The following PGAP6 variants were observed in gnomAD, a reference collection of about 807,000 sequenced individuals.
PGAP6 encodes post-GPI attachment to proteins 6, also known as post-GPI attachment to proteins factor 6.
PGAP6 carries 62 observed loss-of-function variants against 68.4 expected under a neutral mutation model. The ratio of observed to expected loss-of-function variants is 0.91; its 90% CI spans 0.74 to 1.12. PGAP6 has a LOEUF of 1.12. Ranked by LOEUF, PGAP6 falls within the 50% of genes most tolerant of loss-of-function variation. The pLI is 0.00. For synonymous variants in PGAP6, 575 were observed against 474.0 expected (o/e 1.21, Z -2.77); for missense variants, 1,188 against 1,068.5 (o/e 1.11, Z -1.56).
At position 375,246 on chromosome 16, in the gene PGAP6, C is replaced by CCT; in HGVS notation, c.1325_1326insAG (p.Tyr444AlafsTer6). The CCT allele has an allele frequency of 6.2e-7, 1 of 1,613,072 alleles. No homozygotes were observed. The highest frequency in any genetic ancestry group is 8.5e-7 in the Non-Finnish European group (1 of 1,179,956). On this transcript the variant is annotated frameshift_variant, in exon 8 of 13. Coordinates refer to ENST00000431232, the MANE Select transcript of PGAP6 (RefSeq NM_021259.3). LOFTEE classifies it high-confidence loss of function. ...AGGCGCTCAGAGACAAAGGGTAGCC[C>CCT]TGGAAGAAGGCTGCAGGGGAGCCAG...
rs920350484 is a variant in PGAP6 at position 371,663 on chromosome 16, A to G, written c.*324T>C. On this transcript the variant is annotated 3_prime_UTR_variant, in exon 13 of 13. Transcript: ENST00000431232. ...ATAGGGAGTCCTTCTCCCCATCTCT[A>G]GCCACCCACAGGCCAGCAGAGCACA... The G allele has an allele frequency of 9.2e-6, 3 of 324,410 alleles. No individual in the cohort carries two copies. The highest frequency in any genetic ancestry group is 1.2e-5 in the Non-Finnish European group (2 of 171,370). The allele number at this position is 324,410 out of a possible 1,614,324, so 20.1% of individuals were successfully genotyped here.
intron 1 of PGAP6, among the ~76,000 whole-genome samples, chr16:378,803 C>T (rs1157825405): frequency 1.3e-5 from 2 of 152,244 alleles, no homozygotes; most frequent in African/African-American, 4.8e-5. Context: ...AGGCCAGAAG[C>T]CTGGCCAGTC....
upstream of PGAP6, chr16:382,288 T>TC (rs2054451067): frequency 2.6e-6 from 1 of 391,656 alleles, no homozygotes; most frequent in Non-Finnish European, 4.5e-6. Flanking sequence ...GTTCGCTGAG[T>TC]CCCAGCTCCG....
upstream of PGAP6, among the ~76,000 whole-genome samples, chr16:386,124 C>T (rs1007740060): frequency 4.6e-5 from 7 of 151,988 alleles, no homozygotes; most frequent in East Asian, 1.9e-4. Flanking sequence ...GCAGCCTGGC[C>T]GGAGGGGAGG....
upstream of PGAP6, among the ~76,000 whole-genome samples, chr16:385,739 C>T (rs1247901325): frequency 6.6e-6 from 1 of 150,832 alleles, no homozygotes; most frequent in Non-Finnish European, 1.5e-5. Flanking sequence ...ATTCTCCTGC[C>T]TCAGCCTCCC....
chr16:377,882 A>AC, intron 1 of PGAP6, 34 bp from the exon 2 acceptor site: 1 of 1,523,754 alleles, frequency 6.6e-7, no homozygotes, highest in South Asian at 1.2e-5. Context: ...CCAGGCCGGG[A>AC]CCCTCCTCCA....
rs773064495 is a variant in PGAP6, at chr16:372,042, G to C, written c.2261C>G (p.Pro754Arg). The C allele has an allele frequency of 1.2e-6, 2 of 1,612,700 alleles. No individual in the cohort carries two copies. Among genetic ancestry groups the C allele is most frequent in the South Asian group, 2.2e-5 (2 of 91,056 alleles). Residue 754 changes from proline (P) to arginine (R), a missense_variant, in exon 13 of 13, where the codon CCC (proline) becomes CGC (arginine). Physicochemically the swap from Pro to Arg is moderately radical, Grantham distance 103. Coordinates refer to ENST00000431232, the MANE Select transcript of PGAP6 (RefSeq NM_021259.3). ...GTTCTTGCAGATCTGATAGTGGCAG[G>C]GGAATTTCTGCGAGCAGGCCCAGGG... is the stretch of plus-strand genomic sequence containing the variant. ...AEPWACSQKF[P>R]CHYQICKNDR...
intron 1 of PGAP6, among the ~76,000 whole-genome samples, chr16:380,901 G>C (rs1366525718): frequency 6.6e-6 from 1 of 152,202 alleles, no homozygotes; most frequent in Non-Finnish European, 1.5e-5. Context: ...ACTTCCAGCC[G>C]GCCAGAAAGG....
chr16:382,404 CGCGCGTGGGCCTG>C, upstream of PGAP6: 2 of 377,416 alleles, frequency 5.3e-6, no homozygotes, highest in Non-Finnish European at 9.4e-6. Context: ...CCCCGCCCGG[CGCGCGTGGGCCTG>C]AGTCAGGCGC....
upstream of PGAP6, chr16:386,560 C>T: frequency 3.0e-6 from 1 of 328,026 alleles, no homozygotes; most frequent in Non-Finnish European, 5.8e-6. Context: ...TGAACCACAC[C>T]ACAGGTGCCC....
At chr16:378,220 ACC>A (rs768741931) in intron 1 of PGAP6, among the ~76,000 whole-genome samples, 32 of 146,040 alleles carry the variant, frequency 2.2e-4, no homozygotes, top group Non-Finnish European at 3.2e-4. Flanking sequence ...TGCCATCGCC[ACC>A]CTGACTGCCA....
At chr16:376,516 C>A (rs1597161434) in intron 5 of PGAP6, 28 bp downstream of exon 5, 1 of 1,544,870 alleles carries the variant, frequency 6.5e-7, no homozygotes, top group Non-Finnish European at 8.7e-7. Flanking sequence ...AGGGGCAGGG[C>A]CATCCCTCCA....
In PGAP6 at chr16:376,800, G is replaced by C. The variant is rs551214016; in HGVS notation, c.648C>G (p.Pro216=). The C allele has an allele frequency of 6.2e-7, 1 of 1,606,932 alleles. No individual in the cohort carries two copies. Among genetic ancestry groups the C allele is most frequent in the South Asian group, 1.1e-5 (1 of 91,004 alleles). The change falls in exon 5 of 13, where the codon CCC becomes CCG. Residue 216 remains proline, a synonymous_variant. Transcript: ENST00000431232. Reference sequence around the variant, plus strand: ...CCAGCAGAAGCTCCCGCGTGTAATCGGGGACAAAGACCCTGCAGCGAGGGG... The same window carrying C: ...CCAGCAGAAGCTCCCGCGTGTAATCCGGGACAAAGACCCTGCAGCGAGGGG... ...SHPSYLKVFV[P]DYTRELLLEL...
chr16:381,753 C>A lies in PGAP6; in HGVS notation c.69G>T (p.Leu23=). The A allele has an allele frequency of 8.3e-7, 1 of 1,210,382 alleles. No homozygotes were observed. The highest frequency in any genetic ancestry group is 1.0e-6 in the Non-Finnish European group (1 of 972,570). The allele number at this position is 1,210,382 out of a possible 1,614,324, so 75.0% of individuals were successfully genotyped here. A position where few individuals can be genotyped will look rare whatever the true frequency, so the allele number is the denominator to read the frequency against. ...CAGGCGGGGGCCGGGCAAGCAGCAG[C>A]AGCAGCAGCGGCCCCGCCACCACCG... ...VAAVVAGPLL[L]LLLARPPPAS... Residue 23 remains leucine, a synonymous_variant, in exon 1 of 13, where the codon CTG becomes CTT. Transcript: ENST00000431232.
At chr16:377,611 T>C in intron 2 of PGAP6, 26 bp from the exon 3 acceptor site, 1 of 1,568,242 alleles carries the variant, frequency 6.4e-7, no homozygotes, top group Non-Finnish European at 8.6e-7. Context: ...CAGCACCGGG[T>C]TCAGGCACAG....
rs757551945 is a variant in PGAP6 at position 375,355 on chromosome 16, G to A, written c.1305C>T (p.Asn435=). The change falls in exon 7 of 13, where the codon AAC becomes AAT. Residue 435 remains asparagine (N), a synonymous_variant. Coordinates refer to ENST00000431232, the MANE Select transcript of PGAP6 (RefSeq NM_021259.3). ...SPFLGFNTSL[N]CTTAFFQGYP... ...GCCTGCCCATCATACCTGTGGTGCA[G>A]TTGAGCGAAGTATTGAAGCCAAGGA... The A allele has an allele frequency of 1.9e-6, 3 of 1,612,818 alleles. No homozygotes were observed. The African/African-American group carries it at 4.0e-5, about 22-fold the overall frequency.
At chr16:378,072 T>C (rs2054402736) in intron 1 of PGAP6, among the ~76,000 whole-genome samples, 1 of 152,048 alleles carries the variant, frequency 6.6e-6, no homozygotes, top group Admixed American at 6.5e-5. Context: ...CCTCCTGGCA[T>C]CTGGGTCTTT....
Position 381,694 on chromosome 16 carries a change from C to A in PGAP6, c.121+7G>T. ...CGCCCCCGATGGCGCCCGCGCCTCC[C>A]GCTCACCGCTCTTCCCGCTGTAGCC... On this transcript the variant is annotated splice_region_variant and intron_variant, in intron 1 of 12. Coordinates refer to ENST00000431232, the MANE Select transcript of PGAP6 (RefSeq NM_021259.3). 1 of 1,205,852 alleles carries A rather than the reference C, an allele frequency of 8.3e-7. No homozygotes were observed. The highest frequency in any genetic ancestry group is 1.0e-6 in the Non-Finnish European group (1 of 970,520). The allele number at this position is 1,205,852 out of a possible 1,614,324, so 74.7% of individuals were successfully genotyped here.
In PGAP6 at chr16:376,276, C is replaced by T; in HGVS notation, c.1084G>A (p.Asp362Asn). 1 of 1,612,870 alleles carries T rather than the reference C, an allele frequency of 6.2e-7. No individual in the cohort carries two copies. Among genetic ancestry groups the T allele is most frequent in the Non-Finnish European group, 8.5e-7 (1 of 1,179,998 alleles). ...TNYPVTREDM[D>N]VVSVHFQPLD... ...GGCTGGAAGTGCACCGACACCACGT[C>T]CATGTCCTCCCGCGTGACTGGGTAG... The change falls in exon 6 of 13, where the codon GAC becomes AAC. Residue 362 changes from aspartate to asparagine, a missense_variant. Physicochemically the swap from Asp to Asn is conservative, Grantham distance 23. Coordinates refer to ENST00000431232, the MANE Select transcript of PGAP6 (RefSeq NM_021259.3).
Sources: allele counts gnomAD v4.1 joint callset (sites outside exome capture counted in the v4.1 genomes callset), GRCh38; gene constraint gnomAD v4.1.1; transcripts MANE v1.5; gene names NCBI Gene and HGNC (gene_info 2026-07-23, HGNC 2026-07-21).